EEA1: variants seen among roughly 807,000 people sequenced by gnomAD.
EEA1 encodes the protein early endosome antigen 1.
EEA1 carries 111 observed loss-of-function variants against 209.2 expected under a neutral mutation model. That is an observed-to-expected ratio of 0.53 (90% CI 0.45 to 0.62). The LOEUF (loss-of-function observed/expected upper bound fraction) is 0.62, where lower values mean the gene tolerates loss of function less well. EEA1 is among the 20% of genes least tolerant of loss of function. The probability of loss-of-function intolerance (pLI) is 0.00; values close to 1 mark genes in which losing one functional copy is unlikely to be tolerated. For synonymous variants in EEA1, 536 were observed against 540.6 expected, an observed-to-expected ratio of 0.99 and a Z score of 0.12; for missense variants, 1,343 against 1,530.8, an observed-to-expected ratio of 0.88 and a Z score of 2.05.
At chr12:92,895,176 G>C (rs1879821365) in intron 1 of EEA1, among the ~76,000 whole-genome samples, 1 of 76,390 alleles carries the variant, frequency 1.3e-5, no homozygotes. Flanking sequence ...TTTTTTTTGA[G>C]ACGGAGTCTC....
At chr12:92,910,863 T>G (rs1880558106) in intron 1 of EEA1, among the ~76,000 whole-genome samples, 1 of 152,210 alleles carries the variant, frequency 6.6e-6, no homozygotes, top group South Asian at 2.1e-4. Flanking sequence ...GATATACAGA[T>G]GGCAAATATG....
chr12:92,914,195 C>T (rs1880682273), intron 1 of EEA1, among the ~76,000 whole-genome samples: 1 of 152,164 alleles, frequency 6.6e-6, no homozygotes, highest in Non-Finnish European at 1.5e-5. Flanking sequence ...ATGGCCTCTG[C>T]CCCTGCCTTT....
intron 1 of EEA1, among the ~76,000 whole-genome samples, chr12:92,909,680 T>C (rs1007570099): frequency 6.6e-5 from 10 of 152,228 alleles, no homozygotes; most frequent in African/African-American, 1.9e-4. Context: ...ATTGCCATTA[T>C]TGTGAACATG....
At position 92,776,700 on chromosome 12, in the gene EEA1, T is replaced by G; in HGVS notation, c.4113+144A>C. On this transcript the variant is annotated intron_variant, in intron 28 of 28. Coordinates refer to ENST00000322349, the MANE Select transcript of EEA1 (RefSeq NM_003566.4). ...TATGCTAACCAAAAGCTAGACTGCA[T>G]GAAGTTATTCTATGTTGTTGTTAAA... 6 of 729,058 alleles carry G rather than the reference T, an allele frequency of 8.2e-6. No homozygotes were observed. In the South Asian group the frequency reaches 1.1e-4, roughly 13 times the overall value. The allele number at this position is 729,058 out of a possible 1,614,324, so 45.2% of individuals were successfully genotyped here.
intron 3 of EEA1, among the ~76,000 whole-genome samples, chr12:92,859,985 A>G (rs1207596249): frequency 6.6e-6 from 1 of 152,232 alleles, no homozygotes; most frequent in Non-Finnish European, 1.5e-5. Context: ...AAAAAAAGGC[A>G]GTTACCATTA....
At chr12:92,785,027 T>TA (rs33945823) in intron 22 of EEA1, among the ~76,000 whole-genome samples, 122,971 of 142,810 alleles carry the variant, frequency 0.86, 53,599 homozygotes, top group South Asian at 0.94. Context: ...CATACTTTCT[T>TA]AAAAAAAAAA....
intron 10 of EEA1, among the ~76,000 whole-genome samples, chr12:92,834,129 C>T (rs1876799068): frequency 6.6e-6 from 1 of 151,788 alleles, no homozygotes; most frequent in Non-Finnish European, 1.5e-5. Context: ...GCTGCGTTCC[C>T]CAACATGGGA....
At chr12:92,909,941 G>A (rs1880516201) in intron 1 of EEA1, among the ~76,000 whole-genome samples, 1 of 151,712 alleles carries the variant, frequency 6.6e-6, no homozygotes, top group Non-Finnish European at 1.5e-5. Context: ...TCAGGAGTTT[G>A]AGACCAGCCT....
chr12:92,886,531 G>C (rs1256283393), intron 2 of EEA1, among the ~76,000 whole-genome samples: 1 of 65,936 alleles, frequency 1.5e-5, no homozygotes, highest in African/African-American at 6.4e-5. Context: ...AGGGATGGGA[G>C]GGGAGGGAGA....
chr12:92,912,932 C>G (rs1467811396), intron 1 of EEA1, among the ~76,000 whole-genome samples: 2 of 152,168 alleles, frequency 1.3e-5, no homozygotes, highest in Admixed American at 1.3e-4. Flanking sequence ...TTTTCTTTAT[C>G]CAATCATCTG....
intron 1 of EEA1, among the ~76,000 whole-genome samples, chr12:92,914,437 G>T (rs117053131): frequency 6.6e-6 from 1 of 152,174 alleles, no homozygotes; most frequent in East Asian, 1.9e-4. Flanking sequence ...TTCTGCTTAG[G>T]ATTGCTTTGG....
chr12:92,898,673 AAAG>A (rs1481968217), intron 1 of EEA1, among the ~76,000 whole-genome samples: 5 of 151,344 alleles, frequency 3.3e-5, no homozygotes, highest in East Asian at 3.9e-4. Flanking sequence ...CAAAAAAAAA[AAAG>A]AAGAAGGAAC....
chr12:92,853,657 A>G (rs973962865), intron 6 of EEA1, among the ~76,000 whole-genome samples: 1 of 152,206 alleles, frequency 6.6e-6, no homozygotes, highest in Non-Finnish European at 1.5e-5. Flanking sequence ...TTAAACAACC[A>G]TATTAATGTA....
chr12:92,861,026 C>T (rs1016072005), intron 3 of EEA1, among the ~76,000 whole-genome samples: 1 of 152,176 alleles, frequency 6.6e-6, no homozygotes, highest in Non-Finnish European at 1.5e-5. Context: ...TTGGGTATGA[C>T]ATGCTCTTTC....
At chr12:92,867,449 T>A (rs1451787299) in intron 2 of EEA1, among the ~76,000 whole-genome samples, 1 of 152,052 alleles carries the variant, frequency 6.6e-6, no homozygotes, top group Non-Finnish European at 1.5e-5. Flanking sequence ...AACATGGCAG[T>A]GCAAAAATTG....
At chr12:92,879,515 C>T (rs1290157068) in intron 2 of EEA1, among the ~76,000 whole-genome samples, 1 of 135,828 alleles carries the variant, frequency 7.4e-6, no homozygotes, top group Non-Finnish European at 1.6e-5. Flanking sequence ...AAGCATTTGG[C>T]AATATTCAAA....
chr12:92,866,780 G>C (rs893001371), intron 2 of EEA1, among the ~76,000 whole-genome samples: 1 of 152,098 alleles, frequency 6.6e-6, no homozygotes, highest in Non-Finnish European at 1.5e-5. Flanking sequence ...TACAACAAAT[G>C]CAAGACTCAT....
intron 10 of EEA1, among the ~76,000 whole-genome samples, chr12:92,834,643 G>A (rs552690136): frequency 4.0e-5 from 6 of 150,068 alleles, no homozygotes; most frequent in Middle Eastern, 6.9e-3. Flanking sequence ...AGCAAAATTA[G>A]CTACAAGATG....
intron 8 of EEA1, among the ~76,000 whole-genome samples, chr12:92,851,923 C>A (rs963324560): frequency 2.0e-5 from 3 of 151,986 alleles, no homozygotes; most frequent in Non-Finnish European, 2.9e-5. Context: ...GATATGAAAA[C>A]TACTAAAATG....
Sources: allele counts gnomAD v4.1 joint callset (sites outside exome capture counted in the v4.1 genomes callset), GRCh38; gene constraint gnomAD v4.1.1; transcripts MANE v1.5; gene names NCBI Gene and HGNC (gene_info 2026-07-23, HGNC 2026-07-21).